Variants in ILRUN observed in about 807,000 individuals in gnomAD.
The protein encoded by ILRUN is protein ILRUN.
A neutral mutation model predicts 33.8 loss-of-function variants in ILRUN; 3 were observed. The ratio of observed to expected loss-of-function variants is 0.09; its 90% CI spans 0.04 to 0.23. The LOEUF is 0.23. Among genes scored for constraint, ILRUN ranks in the 10% least tolerant of loss-of-function variants. The pLI is 1.00. For missense variants in ILRUN, 210 were observed against 375.1 expected, an observed-to-expected ratio of 0.56 and a Z score of 3.64; for synonymous variants, 124 against 138.9, an observed-to-expected ratio of 0.89 and a Z score of 0.75.
At chr6:34,611,863 C>T (rs1471450430) in intron 3 of ILRUN, among the ~76,000 whole-genome samples, 1 of 152,150 alleles carries the variant, frequency 6.6e-6, no homozygotes, top group Non-Finnish European at 1.5e-5. Flanking sequence ...AAACTCACAC[C>T]TAACAGGAAC....
chr6:34,643,051 T>C (rs1316741327), intron 3 of ILRUN, among the ~76,000 whole-genome samples: 1 of 151,340 alleles, frequency 6.6e-6, no homozygotes, highest in Non-Finnish European at 1.5e-5. Flanking sequence ...ATCCCAGCAC[T>C]TTGGGAGGCC....
At chr6:34,627,881 T>C (rs1276746185) in intron 3 of ILRUN, among the ~76,000 whole-genome samples, 1 of 152,008 alleles carries the variant, frequency 6.6e-6, no homozygotes, top group Non-Finnish European at 1.5e-5. Context: ...TTTTTGTATT[T>C]TTAGTAGAGA....
chr6:34,665,965 A>AC (rs1345579245), intron 1 of ILRUN, among the ~76,000 whole-genome samples: 1 of 152,098 alleles, frequency 6.6e-6, no homozygotes, highest in Non-Finnish European at 1.5e-5. Context: ...AAAAAAAAAA[A>AC]AATGCTGGCC....
chr6:34,619,599 C>T (rs909368533), intron 3 of ILRUN, among the ~76,000 whole-genome samples: 12 of 152,166 alleles, frequency 7.9e-5, no homozygotes, highest in African/African-American at 2.9e-4. Flanking sequence ...AAGTGATCCT[C>T]CTGCCTCAGC....
rs199613814 is a variant in ILRUN at position 34,609,911 on chromosome 6, C to G, written c.512-3007G>C. ...TGGTGGCTCATGCCTGTAATCCCAGCACTTTGGGAGGCCGAGGCAGGTGGA... is the reference window on the plus strand; with the variant it reads ...TGGTGGCTCATGCCTGTAATCCCAGGACTTTGGGAGGCCGAGGCAGGTGGA... On this transcript the variant is annotated intron_variant, in intron 3 of 4. Transcript: ENST00000374023. Among the ~76,000 whole-genome samples the G allele has an allele frequency of 2.0e-4, 30 of 152,234 alleles. No individual in the cohort carries two copies. In the East Asian group the frequency reaches 5.0e-3, roughly 25 times the overall value.
At chr6:34,611,818 A>G (rs1761760119) in intron 3 of ILRUN, among the ~76,000 whole-genome samples, 1 of 152,222 alleles carries the variant, frequency 6.6e-6, no homozygotes, top group Non-Finnish European at 1.5e-5. Context: ...AAGTTAAAGC[A>G]GACTGAGAAC....
At chr6:34,679,488 A>T (rs1424686475) in intron 1 of ILRUN, among the ~76,000 whole-genome samples, 3 of 152,218 alleles carry the variant, frequency 2.0e-5, no homozygotes, top group Admixed American at 6.6e-5. Context: ...TTGAAAAAAA[A>T]TTTTAAACAA....
chr6:34,603,113 C>G (rs1350813556), intron 4 of ILRUN, among the ~76,000 whole-genome samples: 1 of 152,212 alleles, frequency 6.6e-6, no homozygotes, highest in Non-Finnish European at 1.5e-5. Context: ...CGTTCTTTCC[C>G]AGCCTTGATG....
chr6:34,616,815 T>G (rs1241368129), intron 3 of ILRUN: 7 of 698,112 alleles, frequency 1.0e-5, no homozygotes, highest in Non-Finnish European at 1.6e-5. Flanking sequence ...ATCAATGGTG[T>G]GAACCCAAAG....
At position 34,590,400 on chromosome 6, in the gene ILRUN, ACT is replaced by A. The variant is rs1761271766; in HGVS notation, c.*163_*164del. On this transcript the variant is annotated 3_prime_UTR_variant, in exon 5 of 5. Transcript: ENST00000374023. ...GCATTCACACATGCATACTGAGTTT[ACT>A]CAAAACTAGTCTGTTCTGCTTCTTC... The A allele has an allele frequency of 1.2e-6, 1 of 867,746 alleles. No individual in the cohort carries two copies. The highest frequency in any genetic ancestry group is 1.7e-6 in the Non-Finnish European group (1 of 585,854). The allele number at this position is 867,746 out of a possible 1,614,324, so 53.8% of individuals were successfully genotyped here. A position where few individuals can be genotyped will look rare whatever the true frequency, so the allele number is the denominator to read the frequency against.
chr6:34,625,681 T>C (rs1352720221), intron 3 of ILRUN, among the ~76,000 whole-genome samples: 1 of 152,150 alleles, frequency 6.6e-6, no homozygotes, highest in Non-Finnish European at 1.5e-5. Flanking sequence ...CCCACCTTCT[T>C]TCAGTTTAGA....
At chr6:34,631,574 G>C (rs1009836887) in intron 3 of ILRUN, among the ~76,000 whole-genome samples, 6 of 151,920 alleles carry the variant, frequency 3.9e-5, no homozygotes, top group Admixed American at 2.6e-4. Context: ...AGTGATCTAC[G>C]CACCTCAGCC....
At chr6:34,648,331 A>G (rs770632475) in intron 2 of ILRUN, among the ~76,000 whole-genome samples, 4 of 152,178 alleles carry the variant, frequency 2.6e-5, no homozygotes, top group Non-Finnish European at 5.9e-5. Flanking sequence ...CTAAGTGCCC[A>G]GTTTTGACAT....
chr6:34,640,434 C>T (rs539218320), intron 3 of ILRUN, among the ~76,000 whole-genome samples: 5 of 151,960 alleles, frequency 3.3e-5, no homozygotes, highest in Non-Finnish European at 7.4e-5. Context: ...GGGAGTGGGC[C>T]GGGCGCGGTG....
At chr6:34,621,128 A>G (rs1762005247) in intron 3 of ILRUN, among the ~76,000 whole-genome samples, 1 of 152,226 alleles carries the variant, frequency 6.6e-6, no homozygotes, top group Non-Finnish European at 1.5e-5. Flanking sequence ...CACTTACAAA[A>G]AGGGGGAAAT....
In ILRUN at chr6:34,645,971, A is replaced by G. The variant is rs1762555506; in HGVS notation, c.511+630T>C. ...AGTCTAAGAAAGTACCTATTTCAAA[A>G]AACTTGTGTAGTATGGTGCCAAATG... is the stretch of plus-strand genomic sequence containing the variant. On this transcript the variant is annotated intron_variant, in intron 3 of 4. Transcript: ENST00000374023. Among the ~76,000 whole-genome samples, 3 of 152,226 alleles carry G rather than the reference A, an allele frequency of 2.0e-5. No individual in the cohort carries two copies. In the South Asian group the frequency reaches 6.2e-4, roughly 31 times the overall value.
chr6:34,655,214 C>T (rs2814997), intron 1 of ILRUN, among the ~76,000 whole-genome samples: 37,411 of 151,924 alleles, frequency 0.25, 4,680 homozygotes, highest in East Asian at 0.33. Context: ...TGAGCTCAAG[C>T]GATCCATCCA....
At chr6:34,694,277 C>T (rs1218774515) in intron 1 of ILRUN, among the ~76,000 whole-genome samples, 2 of 152,128 alleles carry the variant, frequency 1.3e-5, no homozygotes, top group Non-Finnish European at 2.9e-5. Flanking sequence ...CTCTAAAGAA[C>T]TTAAAACTTA....
chr6:34,601,479 T>C (rs1561996860), intron 4 of ILRUN, among the ~76,000 whole-genome samples: 1 of 151,738 alleles, frequency 6.6e-6, no homozygotes, highest in Non-Finnish European at 1.5e-5. Flanking sequence ...GCCCTCTTAA[T>C]GCCTCACATA....
Sources: gnomAD v4.1 joint callset for allele counts (sites outside exome capture counted in the v4.1 genomes callset) on GRCh38, gnomAD v4.1.1 for gene constraint, MANE v1.5 for transcripts, NCBI Gene and HGNC (gene_info 2026-07-23, HGNC 2026-07-21) for gene names.